ANKS1B: variants seen among roughly 807,000 people sequenced by gnomAD.
ANKS1B encodes the protein ankyrin repeat and sterile alpha motif domain containing 1B, also known as ankyrin repeat and sterile alpha motif domain-containing protein 1B.
A neutral mutation model predicts 148.3 loss-of-function variants in ANKS1B; 36 were observed. That is an observed-to-expected ratio of 0.24 (90% CI 0.19 to 0.32). The LOEUF (loss-of-function observed/expected upper bound fraction) is 0.32. Among genes scored for constraint, ANKS1B ranks in the 10% least tolerant of loss-of-function variants. The pLI is 1.00. For missense variants in ANKS1B, 1,157 were observed against 1,542.6 expected, an observed-to-expected ratio of 0.75 and a Z score of 4.19; for synonymous variants, 542 against 560.8, an observed-to-expected ratio of 0.97 and a Z score of 0.47.
intron 9 of ANKS1B, among the ~76,000 whole-genome samples, chr12:99,585,481 C>A (rs2097624595): frequency 6.6e-6 from 1 of 152,154 alleles, no homozygotes; most frequent in African/African-American, 2.4e-5. Flanking sequence ...CTGTCAGTGG[C>A]TCTACCTTCT....
chr12:99,124,834 T>A (rs1294461217), intron 15 of ANKS1B, among the ~76,000 whole-genome samples: 2 of 152,190 alleles, frequency 1.3e-5, no homozygotes, highest in East Asian at 3.8e-4. Context: ...TGAAGGAATT[T>A]ATCAGTTAAG....
chr12:99,374,418 G>A (rs1031946370), intron 12 of ANKS1B, among the ~76,000 whole-genome samples: 3 of 152,148 alleles, frequency 2.0e-5, no homozygotes, highest in African/African-American at 7.2e-5. Flanking sequence ...GTCCCAGGCT[G>A]AGTGAGTGTA....
Position 99,655,163 on chromosome 12 carries a change from C to T in ANKS1B, c.1176G>A (p.Glu392=), listed in dbSNP as rs2098444037. The change falls in exon 9 of 27, where the codon GAG becomes GAA. Residue 392 remains glutamate, a synonymous_variant. Transcript: ENST00000683438. Reference sequence around the variant, plus strand: ...GCCCACACGTATTTTCATCATCATCCTCTTCTTCCACTTCTCCTGGTGACA... The same window carrying T: ...GCCCACACGTATTTTCATCATCATCTTCTTCTTCCACTTCTCCTGGTGACA... ...INLSPGEVEE[E]DDDENTCGPS... is the part of the protein sequence containing the mutation. The T allele has an allele frequency of 1.2e-6, 2 of 1,612,284 alleles. No individual in the cohort carries two copies. Among genetic ancestry groups the T allele is most frequent in the Admixed American group, 1.7e-5 (1 of 59,846 alleles).
At chr12:99,920,529 G>A (rs1022754900) in intron 1 of ANKS1B, among the ~76,000 whole-genome samples, 5 of 152,028 alleles carry the variant, frequency 3.3e-5, no homozygotes, top group Middle Eastern at 3.4e-3. Flanking sequence ...ATTTATTGGA[G>A]AACTGACTCA....
chr12:99,142,008 G>A (rs2071011922), intron 15 of ANKS1B, among the ~76,000 whole-genome samples: 1 of 151,966 alleles, frequency 6.6e-6, no homozygotes, highest in Non-Finnish European at 1.5e-5. Context: ...TGAGTTTGAG[G>A]GGTCAGTAGA....
chr12:98,904,871 T>C (rs76643855), intron 17 of ANKS1B, among the ~76,000 whole-genome samples: 14 of 144,338 alleles, frequency 9.7e-5, no homozygotes, highest in East Asian at 6.2e-4. Context: ...TTTTTTTTTT[T>C]CCCAAATGTA....
At chr12:99,153,435 GGAAAGGTAATAGAGCTGT>G (rs1194928769) in intron 15 of ANKS1B, among the ~76,000 whole-genome samples, 1 of 152,148 alleles carries the variant, frequency 6.6e-6, no homozygotes, top group Non-Finnish European at 1.5e-5. Flanking sequence ...TTAAAAGCAA[GGAAAGGTAATAGAGCTGT>G]GACGTAGCTT....
At chr12:99,870,372 A>G (rs1759532505) in intron 1 of ANKS1B, among the ~76,000 whole-genome samples, 1 of 152,310 alleles carries the variant, frequency 6.6e-6, no homozygotes, top group Non-Finnish European at 1.5e-5. Context: ...CCATGTCTTT[A>G]CTATTGTGAA....
intron 1 of ANKS1B, among the ~76,000 whole-genome samples, chr12:99,937,283 G>A (rs2153813252): frequency 6.6e-6 from 1 of 152,220 alleles, no homozygotes; most frequent in African/African-American, 2.4e-5. Context: ...GCCAAAGTTG[G>A]AAAGTAACCT....
chr12:99,708,608 T>A (rs1408378397), intron 8 of ANKS1B, among the ~76,000 whole-genome samples: 4 of 152,178 alleles, frequency 2.6e-5, no homozygotes, highest in Non-Finnish European at 4.4e-5. Flanking sequence ...TCATGGCCCC[T>A]TCCTCCCATC....
intron 12 of ANKS1B, among the ~76,000 whole-genome samples, chr12:99,337,795 G>A (rs1185733193): frequency 2.0e-5 from 3 of 152,146 alleles, no homozygotes; most frequent in Non-Finnish European, 4.4e-5. Flanking sequence ...AGAGAGAATT[G>A]GGTGAGATCT....
chr12:99,681,099 G>A (rs939563793), intron 8 of ANKS1B, among the ~76,000 whole-genome samples: 3 of 152,014 alleles, frequency 2.0e-5, no homozygotes, highest in Admixed American at 6.6e-5. Context: ...AATCTCTTGG[G>A]AGCTCCATGG....
At chr12:99,598,131 A>G (rs2097772581) in intron 9 of ANKS1B, among the ~76,000 whole-genome samples, 2 of 152,184 alleles carry the variant, frequency 1.3e-5, no homozygotes, top group African/African-American at 4.8e-5. Context: ...ATACATTGCC[A>G]CATTAGATAA....
chr12:99,702,350 G>A (rs577582377), intron 8 of ANKS1B, among the ~76,000 whole-genome samples: 1 of 152,054 alleles, frequency 6.6e-6, no homozygotes, highest in South Asian at 2.1e-4. Context: ...TTTGAGAAAT[G>A]TCTATTCAGA....
intron 15 of ANKS1B, among the ~76,000 whole-genome samples, chr12:99,134,384 T>G (rs1308818598): frequency 1.3e-5 from 2 of 152,022 alleles, no homozygotes; most frequent in Non-Finnish European, 2.9e-5. Flanking sequence ...AGAGGTAGCT[T>G]TGGGCTAGTG....
chr12:99,222,421 C>T (rs1365542903), intron 14 of ANKS1B, among the ~76,000 whole-genome samples: 2 of 152,086 alleles, frequency 1.3e-5, no homozygotes, highest in African/African-American at 2.4e-5. Context: ...TCAAGACCAG[C>T]CTGGATAATA....
intron 25 of ANKS1B, among the ~76,000 whole-genome samples, chr12:98,758,780 CTTT>C (rs59375322): frequency 8.3e-5 from 10 of 120,606 alleles, no homozygotes; most frequent in African/African-American, 1.3e-4. Flanking sequence ...CTTTTCCTTC[CTTT>C]TTTTTTTTTT....
At chr12:99,685,785 G>T (rs2153492099) in intron 8 of ANKS1B, among the ~76,000 whole-genome samples, 1 of 151,814 alleles carries the variant, frequency 6.6e-6, no homozygotes, top group East Asian at 1.9e-4. Context: ...TATACACAAT[G>T]GAATACTACT....
chr12:99,543,973 G>T (rs2097150541), intron 9 of ANKS1B, among the ~76,000 whole-genome samples: 2 of 152,096 alleles, frequency 1.3e-5, no homozygotes, highest in Non-Finnish European at 2.9e-5. Context: ...AAATAAAATT[G>T]CAACTTCACT....
Sources: allele counts gnomAD v4.1 joint callset (sites outside exome capture counted in the v4.1 genomes callset), GRCh38; gene constraint gnomAD v4.1.1; transcripts MANE v1.5; gene names NCBI Gene and HGNC (gene_info 2026-07-23, HGNC 2026-07-21).